Variants in SAFB observed in about 807,000 individuals in gnomAD.
The protein encoded by SAFB is scaffold attachment factor B1.
In SAFB, 15 loss-of-function variants were observed where a neutral mutation model predicts 101.6. The observed-to-expected ratio is 0.15, with a 90% CI of 0.10 to 0.23. The LOEUF (loss-of-function observed/expected upper bound fraction) is 0.23. Among genes scored for constraint, SAFB ranks in the 10% least tolerant of loss-of-function variants. The pLI is 1.00. For missense variants in SAFB, 930 were observed against 1,104.1 expected (o/e 0.84, Z 2.23); for synonymous variants, 449 against 407.5 (o/e 1.10, Z -1.23).
At chr19:5,625,732 G>A (rs1482927296) in intron 1 of SAFB, among the ~76,000 whole-genome samples, 1 of 152,152 alleles carries the variant, frequency 6.6e-6, no homozygotes, top group Non-Finnish European at 1.5e-5. Flanking sequence ...TGGGAGGCTG[G>A]GCGTGCCAAG....
intron 2 of SAFB, among the ~76,000 whole-genome samples, chr19:5,627,701 C>T (rs779514295): frequency 2.6e-5 from 4 of 152,130 alleles, no homozygotes; most frequent in Non-Finnish European, 4.4e-5. Flanking sequence ...TGTGACTTCG[C>T]TCCGCCCACC....
rs767994379 is a variant in SAFB, at chr19:5,667,201, C to G, written c.2453+37C>G. 4 of 1,322,020 alleles carry G rather than the reference C, an allele frequency of 3.0e-6. No homozygotes were observed. The highest frequency in any genetic ancestry group is 2.7e-5 in the South Asian group (2 of 75,126). The allele number at this position is 1,322,020 out of a possible 1,614,324, so 81.9% of individuals were successfully genotyped here. On this transcript the variant is annotated intron_variant, in intron 18 of 20. Coordinates refer to ENST00000588852, the MANE Select transcript of SAFB (RefSeq NM_001201338.2). This position sits in a 1 kb window ranked among gnomAD's most constrained non-coding sequence, Gnocchi z 4.0. The stretch of plus-strand genomic sequence containing the variant: ...ACACCCGACAGTACCTGACCCCCCC[C>G]CCGCCCACAAGGGGGCCCGCAAGTC...
rs76200723 is a variant in SAFB at position 5,645,392 on chromosome 19, T to C, written c.602T>C (p.Ile201Thr). ...GATACTTCATCATCTGACTTCACTA[T>C]ATTACAGGTAAACTGTTGTATGTCT... ...NLDTSSSDFT[I>T]LQEIEEPSLE... Residue 201 changes from isoleucine (I) to threonine (T), a missense_variant, in exon 5 of 21, where the codon ATA becomes ACA. Physicochemically the swap from Ile to Thr is moderately conservative, Grantham distance 89 (BLOSUM62 -1). Coordinates refer to ENST00000588852, the MANE Select transcript of SAFB (RefSeq NM_001201338.2). 66 of 1,352,292 alleles carry C rather than the reference T, an allele frequency of 4.9e-5. No individual in the cohort carries two copies. The highest frequency in any genetic ancestry group is 6.6e-5 in the Non-Finnish European group (62 of 942,914). 83.8% of individuals were successfully genotyped at this position (1,352,292 alleles called of 1,614,324 possible).
intron 9 of SAFB, among the ~76,000 whole-genome samples, chr19:5,651,781 T>G (rs1025378409): frequency 6.6e-6 from 1 of 152,052 alleles, no homozygotes; most frequent in Non-Finnish European, 1.5e-5. Context: ...TCTCTCAGAG[T>G]CGGTTTCGGG....
At chr19:5,655,435 G>C (rs2054034486) in intron 13 of SAFB, among the ~76,000 whole-genome samples, 1 of 149,006 alleles carries the variant, frequency 6.7e-6, no homozygotes. Context: ...ACTCTAGCCT[G>C]GGAGAGAGAG....
intron 5 of SAFB, among the ~76,000 whole-genome samples, chr19:5,647,747 G>T (rs1465185528): frequency 6.6e-6 from 1 of 152,174 alleles, no homozygotes; most frequent in Non-Finnish European, 1.5e-5. Flanking sequence ...CAATCTAGAG[G>T]GTCAGGCGTG....
intron 15 of SAFB, 54 bp from the exon 16 acceptor site, chr19:5,663,968 T>TCATTA: frequency 6.3e-7 from 1 of 1,579,578 alleles, no homozygotes; most frequent in South Asian, 1.1e-5. Context: ...ACAAAGGTGA[T>TCATTA]AGATACATTT....
rs781610487 is a variant in SAFB, at chr19:5,667,868, A to T, written c.2606A>T (p.Asn869Ile). The T allele has an allele frequency of 1.9e-6, 3 of 1,609,938 alleles. No individual in the cohort carries two copies. Among genetic ancestry groups the T allele is most frequent in the Non-Finnish European group, 2.5e-6 (3 of 1,178,118 alleles). ...SGHSGPGHMMNRGGMSGRGSF... is the reference protein window; with the variant it reads ...SGHSGPGHMMIRGGMSGRGSF... ...CACTCCGGGCCTGGCCACATGATGAACCGAGGAGGAATGTCAGGGTAAGGC... is the reference window on the plus strand; with the variant it reads ...CACTCCGGGCCTGGCCACATGATGATCCGAGGAGGAATGTCAGGGTAAGGC... The change falls in exon 20 of 21, where the codon AAC (asparagine) becomes ATC (isoleucine). Residue 869 changes from asparagine (N) to isoleucine (I), a missense_variant. Asn to Ile is a moderately radical substitution (Grantham distance 149). Around this residue, in one of 7 missense-constraint regions of SAFB, gnomAD observed 318 missense variants for 342.6 expected, o/e 0.93. Coordinates refer to ENST00000588852, the MANE Select transcript of SAFB (RefSeq NM_001201338.2). The surrounding 1 kb of genome is among the most constrained non-coding windows in gnomAD (Gnocchi z 4.0).
intron 2 of SAFB, among the ~76,000 whole-genome samples, chr19:5,636,220 G>T (rs1012432071): frequency 6.6e-6 from 1 of 152,000 alleles, no homozygotes; most frequent in Non-Finnish European, 1.5e-5. Context: ...GAGGAAGAGA[G>T]AACACCGTAT....
At chr19:5,666,389 A>G (rs1321932660) in intron 17 of SAFB, 1 of 153,568 alleles carries the variant, frequency 6.5e-6, no homozygotes, top group Non-Finnish European at 1.4e-5. Context: ...AAACAATGAC[A>G]CAGAAGAGGG....
intron 9 of SAFB, 132 bp from the exon 10 acceptor site, chr19:5,652,983 A>G (rs1179457507): frequency 9.7e-6 from 8 of 826,274 alleles, no homozygotes; most frequent in Non-Finnish European, 1.5e-5. Flanking sequence ...CAGAAGCATT[A>G]GTAGCATTGT....
chr19:5,627,819 C>G (rs2053400392), intron 2 of SAFB, among the ~76,000 whole-genome samples: 1 of 152,208 alleles, frequency 6.6e-6, no homozygotes, highest in Non-Finnish European at 1.5e-5. Context: ...TGGCATAGTT[C>G]CTTACCCCTT....
chr19:5,637,054 T>C (rs1015670671), intron 2 of SAFB, among the ~76,000 whole-genome samples: 5 of 150,790 alleles, frequency 3.3e-5, no homozygotes, highest in Non-Finnish European at 7.4e-5. Context: ...CTTAAAACAA[T>C]TGATTTTCGG....
At position 5,655,837 on chromosome 19, in the gene SAFB, C is replaced by T. The variant is rs964168368; in HGVS notation, c.1755+1381C>T. The stretch of plus-strand genomic sequence containing the variant: ...AAATGAGAAGGTCTCTTAACAATGT[C>T]ATTGGCACAAATAAGGTACTTGTCA... On this transcript the variant is annotated intron_variant, in intron 13 of 20. Coordinates refer to ENST00000588852, the MANE Select transcript of SAFB (RefSeq NM_001201338.2). 2.0e-5 allele frequency among the ~76,000 whole-genome samples: 3 copies of T among 152,200 alleles called. No individual in the cohort carries two copies. In the East Asian group the frequency reaches 5.8e-4, roughly 29 times the overall value.
chr19:5,624,223 C>CTTT (rs551426304), intron 1 of SAFB, among the ~76,000 whole-genome samples: 4 of 138,672 alleles, frequency 2.9e-5, no homozygotes, highest in African/African-American at 1.1e-4. Context: ...CTTTTCTATT[C>CTTT]TTTTTTTTTT....
At chr19:5,664,293 C>T (rs2054281869) in intron 16 of SAFB, 104 bp from the exon 17 acceptor site, 12 of 1,437,154 alleles carry the variant, frequency 8.3e-6, no homozygotes, top group South Asian at 2.3e-5. Context: ...AGGTCTCCTG[C>T]CTTCAGTTAG....
At chr19:5,640,158 C>T (rs954428895) in intron 2 of SAFB, among the ~76,000 whole-genome samples, 6 of 151,946 alleles carry the variant, frequency 3.9e-5, no homozygotes, top group East Asian at 1.9e-4. Context: ...TGGCTGGAGC[C>T]GAAGTTTTTA....
chr19:5,634,372 G>A (rs73542961), intron 2 of SAFB, among the ~76,000 whole-genome samples: 1 of 152,158 alleles, frequency 6.6e-6, no homozygotes, highest in African/African-American at 2.4e-5. Context: ...TTTGATGATA[G>A]GATATTGCAA....
rs11360129 is a variant in SAFB, at chr19:5,660,342, C to CTTTTT, written c.1863-1153_1863-1149dup. On this transcript the variant is annotated intron_variant, in intron 14 of 20. Coordinates refer to ENST00000588852, the MANE Select transcript of SAFB (RefSeq NM_001201338.2). ...TTTTTAAGTAGCTCCCTGCACACAC[C>CTTTTT]TTTTTTTTTTTTTTTTTTTTTTTTT... Among the ~76,000 whole-genome samples the CTTTTT allele has an allele frequency of 1.8e-4, 9 of 50,936 alleles. 1 individual carries two copies. The highest frequency in any genetic ancestry group is 1.8e-3 in the East Asian group (2 of 1,112). 33.4% of individuals were successfully genotyped at this position (50,936 alleles called of 152,430 possible).
Sources: gnomAD v4.1 joint callset for allele counts (sites outside exome capture counted in the v4.1 genomes callset) on GRCh38, gnomAD v4.1.1 for gene constraint, gnomAD v4.1.1 regional missense constraint, Gnocchi (gnomAD v3.1) non-coding constraint, MANE v1.5 for transcripts, NCBI Gene and HGNC (gene_info 2026-07-23, HGNC 2026-07-21) for gene names.